Variants in ACTR3 observed in about 807,000 individuals in gnomAD.
ACTR3 encodes actin-related protein 3.
A neutral mutation model predicts 56.8 loss-of-function variants in ACTR3; 12 were observed. That is an observed-to-expected ratio of 0.21 (90% confidence interval 0.14 to 0.34). The LOEUF (loss-of-function observed/expected upper bound fraction) is 0.34, where lower values mean the gene tolerates loss of function less well. Among genes scored for constraint, ACTR3 ranks in the 10% least tolerant of loss-of-function variants. The pLI is 1.00. For synonymous variants in ACTR3, 162 were observed against 167.4 expected (o/e 0.97, Z 0.25); for missense variants, 282 against 512.5 (o/e 0.55, Z 4.34).
chr2:113,926,770 A>G (rs376174262), intron 3 of ACTR3, among the ~76,000 whole-genome samples: 3 of 152,198 alleles, frequency 2.0e-5, no homozygotes, highest in South Asian at 2.1e-4. Context: ...AAATTTTAAC[A>G]TGAGTTTTGG....
At chr2:113,907,051 T>C (rs1574354736) in intron 1 of ACTR3, among the ~76,000 whole-genome samples, 1 of 152,192 alleles carries the variant, frequency 6.6e-6, no homozygotes, top group African/African-American at 2.4e-5. Context: ...CTTTCAGATA[T>C]GAAAGTTTGT....
chr2:113,921,132 AT>A (rs1318613225), intron 3 of ACTR3, among the ~76,000 whole-genome samples: 1 of 151,240 alleles, frequency 6.6e-6, no homozygotes, highest in African/African-American at 2.4e-5. Flanking sequence ...AGCATTTGTG[AT>A]TTTTTTTGTC....
intron 1 of ACTR3, among the ~76,000 whole-genome samples, chr2:113,895,040 A>G (rs1199306169): frequency 1.3e-5 from 2 of 151,388 alleles, no homozygotes; most frequent in Non-Finnish European, 2.9e-5. Context: ...CCTCTGTGTA[A>G]TCTTTACTTG....
intron 9 of ACTR3, 41 bp downstream of exon 9, chr2:113,951,612 A>T: frequency 6.4e-7 from 1 of 1,569,254 alleles, no homozygotes; most frequent in East Asian, 2.2e-5. Context: ...TTACTTTAAA[A>T]AAACTTAAAC....
At chr2:113,934,049 A>C (rs1186572136) in intron 5 of ACTR3, 1 of 459,980 alleles carries the variant, frequency 2.2e-6, no homozygotes, top group Admixed American at 4.2e-5. Flanking sequence ...CTTACAAATC[A>C]TGCTCCTAAA....
chr2:113,901,839 C>G (rs1679105904), intron 1 of ACTR3, among the ~76,000 whole-genome samples: 1 of 152,180 alleles, frequency 6.6e-6, no homozygotes, highest in Non-Finnish European at 1.5e-5. Flanking sequence ...AAAGTCACCA[C>G]TATATTAGCC....
chr2:113,906,877 G>A (rs930450309), intron 1 of ACTR3, among the ~76,000 whole-genome samples: 1 of 152,106 alleles, frequency 6.6e-6, no homozygotes, highest in African/African-American at 2.4e-5. Flanking sequence ...TTAAAATGAG[G>A]AAGTGTGAGA....
chr2:113,928,933 C>T (rs547497723), intron 4 of ACTR3, among the ~76,000 whole-genome samples: 68 of 152,220 alleles, frequency 4.5e-4, no homozygotes, highest in African/African-American at 1.6e-3. Flanking sequence ...ATTAGCTTTG[C>T]CCATGTTTGA....
Position 113,890,335 on chromosome 2 carries a change from T to A in ACTR3, c.44+12T>A. 8.9e-7 allele frequency: 1 copy of A among 1,123,448 alleles called. No individual in the cohort carries two copies. The highest frequency in any genetic ancestry group is 1.1e-6 in the Non-Finnish European group (1 of 896,862). 69.6% of individuals were successfully genotyped at this position (1,123,448 alleles called of 1,614,324 possible). ...GACTGTGGCACGGGGTAAGGGGGCT[T>A]ACGGGCGGGGGTGGGGAAACTGAGG... On this transcript the variant is annotated intron_variant, in intron 1 of 11. Transcript: ENST00000263238.
At chr2:113,952,082 TTTTTA>T (rs1388048736) in intron 10 of ACTR3, 1 of 453,544 alleles carries the variant, frequency 2.2e-6, no homozygotes, top group African/African-American at 2.0e-5. Context: ...AAAGACTTTT[TTTTTA>T]AATACCTCTC....
At chr2:113,907,435 A>T (rs1679216257) in intron 1 of ACTR3, among the ~76,000 whole-genome samples, 1 of 151,992 alleles carries the variant, frequency 6.6e-6, no homozygotes, top group Admixed American at 6.6e-5. Flanking sequence ...AATTTTTTGT[A>T]GAGATTTGGA....
rs35354751 is a variant in ACTR3 at position 113,923,732 on chromosome 2, C to CT, written c.226-3599dup. On this transcript the variant is annotated intron_variant, in intron 3 of 11. Transcript: ENST00000263238. ...TCTCTAGGCACTGCTTTCAGTTCTC[C>CT]TTTTTTTTTTTTTTCTCTTCTCATA... Among the ~76,000 whole-genome samples the CT allele has an allele frequency of 3.7e-3, 527 of 142,198 alleles. 2 individuals are homozygous for CT. The highest frequency in any genetic ancestry group is 0.015 in the Middle Eastern group (4 of 264). 93.3% of individuals were successfully genotyped at this position (142,198 alleles called of 152,430 possible). A position where few individuals can be genotyped will look rare whatever the true frequency, so the allele number is the denominator to read the frequency against.
intron 11 of ACTR3, among the ~76,000 whole-genome samples, chr2:113,956,512 T>C (rs1005066434): frequency 6.6e-6 from 1 of 152,148 alleles, no homozygotes; most frequent in Non-Finnish European, 1.5e-5. Flanking sequence ...TTGTTCTGTT[T>C]AAGTATTTAA....
intron 2 of ACTR3, among the ~76,000 whole-genome samples, chr2:113,916,576 T>G (rs894789749): frequency 2.0e-5 from 3 of 152,152 alleles, no homozygotes; most frequent in Admixed American, 1.3e-4. Context: ...TTTGGTGGGA[T>G]TACAGTTTTA....
intron 4 of ACTR3, among the ~76,000 whole-genome samples, chr2:113,928,538 C>A (rs1207750724): frequency 6.6e-6 from 1 of 152,118 alleles, no homozygotes; most frequent in African/African-American, 2.4e-5. Flanking sequence ...TCTAAGGGAG[C>A]AGATAGCAAA....
intron 1 of ACTR3, chr2:113,904,877 T>G (rs1679165405): frequency 6.6e-6 from 1 of 152,188 alleles, no homozygotes; most frequent in South Asian, 2.1e-4. Context: ...TGCCTTTCCT[T>G]CTTTTGTTTC....
chr2:113,913,314 A>T lies in ACTR3; in HGVS notation c.100+87A>T. 4 of 1,033,834 alleles carry T rather than the reference A, an allele frequency of 3.9e-6. 1 individual carries two copies. In the South Asian group the frequency reaches 6.6e-5, roughly 17 times the overall value. 64.0% of individuals were successfully genotyped at this position (1,033,834 alleles called of 1,614,324 possible). A position where few individuals can be genotyped will look rare whatever the true frequency, so the allele number is the denominator to read the frequency against. Reference sequence around the variant, plus strand: ...AAGTAAAAGAAGTAATCAGTTCTGAAATCCTAAAAGATTTAGTCCTTTTAA... The same window carrying T: ...AAGTAAAAGAAGTAATCAGTTCTGATATCCTAAAAGATTTAGTCCTTTTAA... On this transcript the variant is annotated intron_variant, in intron 2 of 11. Coordinates refer to ENST00000263238, the MANE Select transcript of ACTR3 (RefSeq NM_005721.5).
chr2:113,900,984 A>G (rs1267773276), intron 1 of ACTR3, among the ~76,000 whole-genome samples: 1 of 152,228 alleles, frequency 6.6e-6, no homozygotes, highest in Non-Finnish European at 1.5e-5. Context: ...GTCTTACTCT[A>G]CTTGACAAAT....
chr2:113,932,718 C>G (rs987859373), intron 5 of ACTR3, among the ~76,000 whole-genome samples: 1 of 152,020 alleles, frequency 6.6e-6, no homozygotes, highest in Non-Finnish European at 1.5e-5. Context: ...TTTGAACTTA[C>G]TTATAGAGGA....
Sources: gnomAD v4.1 joint callset for allele counts (sites outside exome capture counted in the v4.1 genomes callset) on GRCh38, gnomAD v4.1.1 for gene constraint, MANE v1.5 for transcripts, NCBI Gene and HGNC (gene_info 2026-07-23, HGNC 2026-07-21) for gene names.